The following MARCHF1 variants were observed in gnomAD, a reference collection of about 807,000 sequenced individuals.
MARCHF1 encodes E3 ubiquitin-protein ligase MARCHF1.
A neutral mutation model predicts 54.2 loss-of-function variants in MARCHF1; 40 were observed. The observed-to-expected ratio is 0.74, with a 90% CI of 0.57 to 0.96. The LOEUF is 0.96. MARCHF1 is among the 40% of genes least tolerant of loss of function. The pLI, the probability that MARCHF1 is intolerant of heterozygous loss-of-function variation, is 0.00. For missense variants in MARCHF1, 586 were observed against 656.5 expected, an observed-to-expected ratio of 0.89 and a Z score of 1.17; for synonymous variants, 236 against 236.3, an observed-to-expected ratio of 1.00 and a Z score of 0.01.
At chr4:163,652,725 C>T (rs188562002) in intron 5 of MARCHF1, among the ~76,000 whole-genome samples, 11 of 151,892 alleles carry the variant, frequency 7.2e-5, no homozygotes, top group African/African-American at 2.4e-4. Flanking sequence ...AGTTTAGAGA[C>T]GTTTTACTCT....
chr4:163,558,977 C>T (rs1462288648), intron 8 of MARCHF1, among the ~76,000 whole-genome samples: 1 of 152,126 alleles, frequency 6.6e-6, no homozygotes, highest in Non-Finnish European at 1.5e-5. Context: ...ACTTCCTCTC[C>T]TCTTATTTAT....
intron 1 of MARCHF1, among the ~76,000 whole-genome samples, chr4:164,192,755 A>G (rs1379211191): frequency 6.6e-6 from 1 of 152,208 alleles, no homozygotes; most frequent in African/African-American, 2.4e-5. Flanking sequence ...AAATTTTTAG[A>G]GGTGCATTCA....
At chr4:164,378,282 A>C (rs952978696) in intron 1 of MARCHF1, among the ~76,000 whole-genome samples, 2 of 152,256 alleles carry the variant, frequency 1.3e-5, no homozygotes, top group African/African-American at 4.8e-5. Flanking sequence ...AGATTTTGGC[A>C]GTCTTGAGGG....
chr4:163,755,899 G>A (rs1199860005), intron 4 of MARCHF1, among the ~76,000 whole-genome samples: 1 of 152,162 alleles, frequency 6.6e-6, no homozygotes, highest in Non-Finnish European at 1.5e-5. Context: ...TACCAATGTT[G>A]AATTATCAGT....
rs145715940 is a variant in MARCHF1 at position 163,733,604 on chromosome 4, G to A, written c.112-32741C>T. Among the ~76,000 whole-genome samples the A allele has an allele frequency of 7.8e-3, 1,178 of 151,194 alleles. 8 individuals carry two copies. The highest frequency in any genetic ancestry group is 0.022 in the South Asian group (104 of 4,772). ...ATATCTCCTAATGCTATCCCTCCCC[G>A]CTCCCCCTACCCCACAACAGTCCCC... On this transcript the variant is annotated intron_variant, in intron 4 of 9. Coordinates refer to ENST00000514618, the MANE Select transcript of MARCHF1 (RefSeq NM_001394959.1).
intron 1 of MARCHF1, among the ~76,000 whole-genome samples, chr4:164,230,417 AATAGTT>A (rs1430104468): frequency 3.9e-5 from 6 of 151,904 alleles, no homozygotes; most frequent in Admixed American, 6.6e-5. Flanking sequence ...AAAGATATAA[AATAGTT>A]ATATATATTT....
intron 1 of MARCHF1, among the ~76,000 whole-genome samples, chr4:164,157,658 G>A (rs1730113390): frequency 6.6e-6 from 1 of 152,106 alleles, no homozygotes; most frequent in Non-Finnish European, 1.5e-5. Context: ...ACTTGGATCT[G>A]TGCAAGTCCA....
At chr4:164,306,718 T>C (rs1220957375) in intron 1 of MARCHF1, among the ~76,000 whole-genome samples, 6 of 152,112 alleles carry the variant, frequency 3.9e-5, no homozygotes, top group Non-Finnish European at 8.8e-5. Flanking sequence ...TACAGAAAGG[T>C]TGCAAATTTT....
intron 1 of MARCHF1, among the ~76,000 whole-genome samples, chr4:164,194,396 C>T (rs895525399): frequency 6.6e-6 from 1 of 152,152 alleles, no homozygotes; most frequent in African/African-American, 2.4e-5. Context: ...ATGTGAGAAC[C>T]ATCATGATGG....
At chr4:164,240,667 C>G (rs1281227332) in intron 1 of MARCHF1, among the ~76,000 whole-genome samples, 1 of 152,164 alleles carries the variant, frequency 6.6e-6, no homozygotes, top group Non-Finnish European at 1.5e-5. Flanking sequence ...ACATAACTGA[C>G]TCCATCTTGC....
chr4:163,595,362 A>C (rs1394155562), intron 7 of MARCHF1, among the ~76,000 whole-genome samples: 1 of 152,046 alleles, frequency 6.6e-6, no homozygotes, highest in Non-Finnish European at 1.5e-5. Context: ...TAAAATAAAA[A>C]AAAAATTAGC....
intron 3 of MARCHF1, among the ~76,000 whole-genome samples, chr4:163,965,040 T>C (rs914627004): frequency 6.6e-6 from 1 of 152,042 alleles, no homozygotes; most frequent in Non-Finnish European, 1.5e-5. Flanking sequence ...TTCAGAATTA[T>C]GTCTGTAAAT....
intron 1 of MARCHF1, chr4:164,189,355 T>C (rs1172512766): frequency 1.6e-6 from 1 of 618,646 alleles, no homozygotes; most frequent in Non-Finnish European, 3.0e-6. Flanking sequence ...TCAGGCCAAA[T>C]TTTAAGAGCT....
intron 4 of MARCHF1, among the ~76,000 whole-genome samples, chr4:163,709,695 A>G (rs1745050602): frequency 6.6e-6 from 1 of 152,210 alleles, no homozygotes; most frequent in Admixed American, 6.5e-5. Flanking sequence ...GGATTGGTGG[A>G]AAAATCACAA....
intron 4 of MARCHF1, among the ~76,000 whole-genome samples, chr4:163,754,630 A>T (rs990777627): frequency 4.6e-5 from 7 of 152,180 alleles, no homozygotes; most frequent in Non-Finnish European, 7.3e-5. Flanking sequence ...TGCACCATCC[A>T]TTCTTCCCAT....
At chr4:163,994,235 C>T (rs914907988) in intron 2 of MARCHF1, among the ~76,000 whole-genome samples, 6 of 148,908 alleles carry the variant, frequency 4.0e-5, no homozygotes, top group Admixed American at 2.0e-4. Flanking sequence ...CCACTCTTAT[C>T]GCTGAAGAAT....
At position 163,808,385 on chromosome 4, in the gene MARCHF1, T is replaced by C. The variant is rs556426662; in HGVS notation, c.111+45636A>G. ...CTGCAGCCTGAATTTGATATGCCAC[T>C]GCTAAAATAAAATTTCAAATGTAAG... On this transcript the variant is annotated intron_variant, in intron 4 of 9. Transcript: ENST00000514618. Among the ~76,000 whole-genome samples, 224 of 152,284 alleles carry C rather than the reference T, an allele frequency of 1.5e-3. 2 individuals carry two copies. The highest frequency in any genetic ancestry group is 0.012 in the South Asian group (56 of 4,828).
At chr4:164,148,444 CTTAA>C (rs1487320150) in intron 1 of MARCHF1, among the ~76,000 whole-genome samples, 1 of 151,944 alleles carries the variant, frequency 6.6e-6, no homozygotes, top group Non-Finnish European at 1.5e-5. Flanking sequence ...TCCATGTTCT[CTTAA>C]TTAATCTTTA....
rs1209775049 is a variant in MARCHF1, at chr4:163,525,759, C to T, written c.*2989G>A. On this transcript the variant is annotated 3_prime_UTR_variant, in exon 10 of 10. Transcript: ENST00000514618. ...CTTCCACGAGCAGGTAAACATGCCTCAAAATTTGCATTCCGTAGAGCAGTT... is the reference window on the plus strand; with the variant it reads ...CTTCCACGAGCAGGTAAACATGCCTTAAAATTTGCATTCCGTAGAGCAGTT... The T allele has an allele frequency of 6.6e-6, 1 of 151,728 alleles. No individual in the cohort carries two copies. The highest frequency in any genetic ancestry group is 1.5e-5 in the Non-Finnish European group (1 of 67,938). The allele number at this position is 151,728 out of a possible 1,614,324, so 9.4% of individuals were successfully genotyped here. A position where few individuals can be genotyped will look rare whatever the true frequency, so the allele number is the denominator to read the frequency against.
Sources: allele counts gnomAD v4.1 joint callset (sites outside exome capture counted in the v4.1 genomes callset), GRCh38; gene constraint gnomAD v4.1.1; transcripts MANE v1.5; gene names NCBI Gene and HGNC (gene_info 2026-07-23, HGNC 2026-07-21).